The following SLFN12L variants were observed in gnomAD, a reference collection of about 807,000 sequenced individuals.
SLFN12L encodes the protein schlafen family member 12 like.
A neutral mutation model predicts 34.8 loss-of-function variants in SLFN12L; 34 were observed. The observed-to-expected ratio is 0.98, with a 90% CI of 0.74 to 1.30. The LOEUF is 1.30. Ranked by LOEUF, SLFN12L falls within the 50% of genes most tolerant of loss-of-function variation. SLFN12L has a pLI of 0.00. For synonymous variants in SLFN12L, 259 were observed against 247.5 expected, an observed-to-expected ratio of 1.05 and a Z score of -0.44; for missense variants, 703 against 696.2, an observed-to-expected ratio of 1.01 and a Z score of -0.11.
At chr17:35,485,413 T>C (rs1021838836) in intron 2 of SLFN12L, among the ~76,000 whole-genome samples, 10 of 152,194 alleles carry the variant, frequency 6.6e-5, no homozygotes, top group African/African-American at 2.4e-4. Context: ...CTTTATAAAG[T>C]CTGGATATTA....
In SLFN12L at chr17:35,479,377, A is replaced by G; in HGVS notation, c.905T>C (p.Leu302Ser). The G allele has an allele frequency of 6.2e-7, 1 of 1,603,758 alleles. No individual in the cohort carries two copies. The change falls in exon 3 of 5, where the codon TTA (leucine) becomes TCA (serine). Residue 302 changes from leucine to serine, a missense_variant. Physicochemically the swap from Leu to Ser is moderately radical, Grantham distance 145 (BLOSUM62 -2). Coordinates refer to ENST00000628453, the MANE Select transcript of SLFN12L (RefSeq NM_001363830.2). ...FKAEKSYLTKLEEVTKNSIGK... is the reference protein window; with the variant it reads ...FKAEKSYLTKSEEVTKNSIGK... ...AATGGAATTTTTTGTTACTTCTTCT[A>G]ACTTAGTAAGATAACTCTTCTCTGC... is the stretch of plus-strand genomic sequence containing the variant.
intron 2 of SLFN12L, among the ~76,000 whole-genome samples, chr17:35,487,049 C>A (rs993732588): frequency 1.3e-5 from 2 of 152,216 alleles, no homozygotes; most frequent in African/African-American, 4.8e-5. Context: ...GGATCTAGGG[C>A]GCAGTTCGTC....
chr17:35,469,890 C>T lies in SLFN12L; in HGVS notation c.*5033G>A, dbSNP rs1175896569. Among the ~76,000 whole-genome samples, 1 of 152,120 alleles carries T rather than the reference C, an allele frequency of 6.6e-6. No individual in the cohort carries two copies. Among genetic ancestry groups the T allele is most frequent in the Admixed American group, 6.5e-5 (1 of 15,284 alleles). On this transcript the variant is annotated 3_prime_UTR_variant, in exon 5 of 5. Transcript: ENST00000628453. ...TTGAGTCCTAAGCTGTTCCCCCTGC[C>T]CAGCTGGACCTTTCCCACAGAAACC...
chr17:35,530,421 G>A (rs1435006031), intron 1 of SLFN12L, among the ~76,000 whole-genome samples: 446 of 9,866 alleles, frequency 0.045, 71 homozygotes, highest in African/African-American at 0.082. Context: ...AAGGAAGGAA[G>A]GAAGGAAGGG....
chr17:35,508,536 G>C (rs1365676184), intron 2 of SLFN12L, among the ~76,000 whole-genome samples: 1 of 152,154 alleles, frequency 6.6e-6, no homozygotes, highest in African/African-American at 2.4e-5. Context: ...TTTTAGTAGA[G>C]ACGGGGTTTC....
intron 2 of SLFN12L, chr17:35,491,221 GA>G: frequency 9.1e-7 from 1 of 1,102,040 alleles, no homozygotes; most frequent in Non-Finnish European, 1.3e-6. Context: ...CCCACTGGTG[GA>G]AGACTTCAAG....
In SLFN12L at chr17:35,469,304, A is replaced by T. The variant is rs919063200; in HGVS notation, c.*5619T>A. Among the ~76,000 whole-genome samples, 15 of 139,312 alleles carry T rather than the reference A, an allele frequency of 1.1e-4. No homozygotes were observed. Among genetic ancestry groups the T allele is most frequent in the African/African-American group, 1.9e-4 (7 of 37,138 alleles). 91.4% of individuals were successfully genotyped at this position (139,312 alleles called of 152,430 possible). A position where few individuals can be genotyped will look rare whatever the true frequency, so the allele number is the denominator to read the frequency against. ...TTTTATATAAAATATATATATATAA[A>T]ATATATATATATTATATATATAAAT... On this transcript the variant is annotated 3_prime_UTR_variant, in exon 5 of 5. Transcript: ENST00000628453.
chr17:35,493,402 C>A (rs1466749703), intron 2 of SLFN12L, among the ~76,000 whole-genome samples: 1 of 152,210 alleles, frequency 6.6e-6, no homozygotes, highest in African/African-American at 2.4e-5. Context: ...ATTCTCTTTG[C>A]CAGCTGCACA....
intron 2 of SLFN12L, chr17:35,500,547 G>A (rs1440732620): frequency 6.6e-6 from 1 of 152,226 alleles, no homozygotes; most frequent in Non-Finnish European, 1.5e-5. Flanking sequence ...GGTTAACATG[G>A]TGAAACCCCG....
At chr17:35,519,161 G>A (rs1335735070) in intron 2 of SLFN12L, among the ~76,000 whole-genome samples, 2 of 152,088 alleles carry the variant, frequency 1.3e-5, no homozygotes, top group Non-Finnish European at 2.9e-5. Flanking sequence ...ACACACAAAG[G>A]GGAACATCAC....
intron 2 of SLFN12L, among the ~76,000 whole-genome samples, chr17:35,505,557 C>T (rs560411332): frequency 8.5e-5 from 13 of 152,306 alleles, no homozygotes; most frequent in African/African-American, 2.4e-4. Context: ...TGAAAATCCC[C>T]GCATAACCAT....
rs2072383433 is a variant in SLFN12L at position 35,530,410 on chromosome 17, GAAGGAAGGAAGGAAGGA to G, written c.-606+7146_-606+7162del. Among the ~76,000 whole-genome samples, 4 of 12,338 alleles carry G rather than the reference GAAGGAAGGAAGGAAGGA, an allele frequency of 3.2e-4. No homozygotes were observed. The South Asian group carries it at 0.012, about 36-fold the overall frequency. 8.1% of individuals were successfully genotyped at this position (12,338 alleles called of 152,430 possible). A position where few individuals can be genotyped will look rare whatever the true frequency, so the allele number is the denominator to read the frequency against. ...GGAAGGAAGGAAGGAAGGAAGGAAG[GAAGGAAGGAAGGAAGGA>G]AGGGAAGGGAAGGGAAGAAAGAAAG... On this transcript the variant is annotated intron_variant, in intron 1 of 4. Coordinates refer to ENST00000628453, the MANE Select transcript of SLFN12L (RefSeq NM_001363830.2).
chr17:35,486,024 T>G (rs1368654688), intron 2 of SLFN12L, among the ~76,000 whole-genome samples: 2 of 152,240 alleles, frequency 1.3e-5, no homozygotes, highest in African/African-American at 4.8e-5. Flanking sequence ...AATCATTTTT[T>G]CTAATTCTGT....
In SLFN12L at chr17:35,479,859, A is replaced by G. The variant is rs1182770831; in HGVS notation, c.423T>C (p.Asn141=). The change falls in exon 3 of 5, where the codon AAT becomes AAC. Residue 141 remains asparagine, a synonymous_variant. Coordinates refer to ENST00000628453, the MANE Select transcript of SLFN12L (RefSeq NM_001363830.2). ...TCACAAAAATGTGAAAGTAGTTACC[A>G]TTCTGCATGAAGTCCAGGAAATTAG... ...FVPNFLDFMQ[N]GNYFHIFVKS... is the part of the protein sequence containing the mutation. The G allele has an allele frequency of 6.2e-6, 10 of 1,607,716 alleles. No homozygotes were observed. Among genetic ancestry groups the G allele is most frequent in the Non-Finnish European group, 7.7e-6 (9 of 1,176,444 alleles).
chr17:35,508,450 C>T (rs1207438744), intron 2 of SLFN12L, among the ~76,000 whole-genome samples: 1 of 152,180 alleles, frequency 6.6e-6, no homozygotes, highest in Non-Finnish European at 1.5e-5. Context: ...AGGTTCATGC[C>T]ATTCTCCTGC....
chr17:35,502,554 C>G (rs1338256439), intron 2 of SLFN12L, among the ~76,000 whole-genome samples: 1 of 151,684 alleles, frequency 6.6e-6, no homozygotes, highest in Non-Finnish European at 1.5e-5. Context: ...GGAGGAACTC[C>G]CTTCAGGACA....
At chr17:35,516,462 G>T (rs141602804) in intron 2 of SLFN12L, among the ~76,000 whole-genome samples, 181 of 152,334 alleles carry the variant, frequency 1.2e-3, no homozygotes, top group African/African-American at 4.0e-3. Flanking sequence ...TGTAGTACAG[G>T]ATTTGTCAGC....
chr17:35,505,364 GT>G (rs1915432581), intron 2 of SLFN12L, among the ~76,000 whole-genome samples: 1 of 152,204 alleles, frequency 6.6e-6, no homozygotes, highest in African/African-American at 2.4e-5. Flanking sequence ...TCTAGATGGA[GT>G]TTCTAAGAGT....
At chr17:35,498,608 T>C in intron 2 of SLFN12L, 2 of 1,609,196 alleles carry the variant, frequency 1.2e-6, no homozygotes, top group Non-Finnish European at 1.7e-6. Flanking sequence ...TGCAGAAAGC[T>C]AGCCAGAAGG....
Sources: allele counts gnomAD v4.1 joint callset (sites outside exome capture counted in the v4.1 genomes callset), GRCh38; gene constraint gnomAD v4.1.1; transcripts MANE v1.5; gene names NCBI Gene and HGNC (gene_info 2026-07-23, HGNC 2026-07-21).